The following SLC44A1 variants were observed in gnomAD, a reference collection of about 807,000 sequenced individuals.
SLC44A1 encodes the protein choline transporter-like protein 1.
Under a neutral mutation model 79.3 loss-of-function variants are expected in SLC44A1, and 26 were observed. The ratio of observed to expected loss-of-function variants is 0.33; its 90% confidence interval spans 0.24 to 0.46. The LOEUF is 0.46. SLC44A1 is among the 20% of genes least tolerant of loss of function. The pLI is 1.00. For synonymous variants in SLC44A1, 263 were observed against 286.2 expected (o/e 0.92, Z 0.82); for missense variants, 688 against 798.1 (o/e 0.86, Z 1.66).
At chr9:105,420,089 A>G (rs1829226243) in intron 15 of SLC44A1, among the ~76,000 whole-genome samples, 1 of 152,162 alleles carries the variant, frequency 6.6e-6, no homozygotes, top group African/African-American at 2.4e-5. Flanking sequence ...TAGAGGAAGC[A>G]TTTGATTAGA....
chr9:105,355,951 G>A lies in SLC44A1; in HGVS notation c.501-261G>A, dbSNP rs965744049. 14 of 450,664 alleles carry A rather than the reference G, an allele frequency of 3.1e-5. 1 individual carries two copies. Among genetic ancestry groups the A allele is most frequent in the South Asian group, 8.2e-5 (3 of 36,710 alleles). 27.9% of individuals were successfully genotyped at this position (450,664 alleles called of 1,614,324 possible). On this transcript the variant is annotated intron_variant, in intron 5 of 15. Coordinates refer to ENST00000374720, the MANE Select transcript of SLC44A1 (RefSeq NM_080546.5). Reference sequence around the variant, plus strand: ...TGTGTATGTGTGTGTGTGTGTGTGCGTTTCTTTTCAGAAGGGGCGGGTAAT... The same window carrying A: ...TGTGTATGTGTGTGTGTGTGTGTGCATTTCTTTTCAGAAGGGGCGGGTAAT...
At chr9:105,376,364 T>TACAC (rs1374584908) in intron 13 of SLC44A1, among the ~76,000 whole-genome samples, 2 of 142,230 alleles carry the variant, frequency 1.4e-5, no homozygotes, top group Non-Finnish European at 3.0e-5. Context: ...ACACACACAC[T>TACAC]ACACACACTG....
At chr9:105,365,050 T>G (rs141269078) in intron 10 of SLC44A1, among the ~76,000 whole-genome samples, 1,687 of 152,320 alleles carry the variant, frequency 0.011, 18 homozygotes, top group Non-Finnish European at 0.014. Flanking sequence ...CAACAAGTCT[T>G]TTTAGTTTGT....
chr9:105,415,896 ATTTT>A (rs10592448), intron 15 of SLC44A1, among the ~76,000 whole-genome samples: 2,224 of 117,912 alleles, frequency 0.019, 45 homozygotes, highest in African/African-American at 0.069. Context: ...GATTGACTGA[ATTTT>A]TTTTTTTTTT....
chr9:105,411,007 A>G (rs1017271191), intron 15 of SLC44A1, among the ~76,000 whole-genome samples: 3 of 152,220 alleles, frequency 2.0e-5, no homozygotes, highest in Non-Finnish European at 4.4e-5. Context: ...AACAGAAAGC[A>G]CATTCATGCT....
chr9:105,301,405 G>C (rs1476958974), intron 2 of SLC44A1, among the ~76,000 whole-genome samples: 1 of 152,114 alleles, frequency 6.6e-6, no homozygotes, highest in East Asian at 1.9e-4. Flanking sequence ...ATTTGTTTTC[G>C]AATGATTCCT....
chr9:105,246,969 T>C (rs909106287), intron 1 of SLC44A1, among the ~76,000 whole-genome samples: 3 of 152,028 alleles, frequency 2.0e-5, no homozygotes, highest in African/African-American at 7.2e-5. Flanking sequence ...AAGGGGTGCA[T>C]TTTTTTCCTG....
At position 105,396,434 on chromosome 9, in the gene SLC44A1, T is replaced by A; in HGVS notation, c.*7378T>A. The A allele has an allele frequency of 1.0e-6, 1 of 985,370 alleles. No individual in the cohort carries two copies. The highest frequency in any genetic ancestry group is 1.2e-6 in the Non-Finnish European group (1 of 829,918). 61.0% of individuals were successfully genotyped at this position (985,370 alleles called of 1,614,324 possible). A position where few individuals can be genotyped will look rare whatever the true frequency, so the allele number is the denominator to read the frequency against. On this transcript the variant is annotated 3_prime_UTR_variant, in exon 16 of 16. Transcript: ENST00000374720. ...AACCCTATCTTCTGAAGACCAAAGG[T>A]CCAACTTTACTTACTGGCTGGCACA...
intron 15 of SLC44A1, chr9:105,438,130 C>CTGTGTGTGTGTGTGTGTGTGTGTGTG (rs147203232): frequency 2.6e-5 from 13 of 496,094 alleles, no homozygotes; most frequent in African/African-American, 2.6e-4. Context: ...ATTTGTTAAT[C>CTGTGTGTGTGTGTGTGTGTGTGTGTG]TGTGTGTGTG....
intron 15 of SLC44A1, among the ~76,000 whole-genome samples, chr9:105,430,365 C>T (rs1360493532): frequency 2.6e-5 from 4 of 152,176 alleles, no homozygotes; most frequent in African/African-American, 9.6e-5. Context: ...GCAACTAAGA[C>T]CACCACGTGA....
intron 12 of SLC44A1, among the ~76,000 whole-genome samples, chr9:105,373,199 T>A (rs564666818): frequency 6.6e-6 from 1 of 152,306 alleles, no homozygotes; most frequent in East Asian, 1.9e-4. Flanking sequence ...CAGTATAAAG[T>A]AAGCCCTTTA....
chr9:105,309,234 C>T (rs943151695), intron 2 of SLC44A1, among the ~76,000 whole-genome samples: 1 of 152,150 alleles, frequency 6.6e-6, no homozygotes, highest in African/African-American at 2.4e-5. Flanking sequence ...GTTCACTTAA[C>T]GGAACCCCTT....
At chr9:105,433,277 T>C (rs921597853) in intron 15 of SLC44A1, among the ~76,000 whole-genome samples, 4 of 151,922 alleles carry the variant, frequency 2.6e-5, no homozygotes, top group Admixed American at 2.6e-4. Context: ...GTCTGCGCGA[T>C]GGGAGCGAGA....
Position 105,392,056 on chromosome 9 carries a change from A to G in SLC44A1, c.*3000A>G. The stretch of plus-strand genomic sequence containing the variant: ...GAAGAGAAAAGTTATATTTCAGTGT[A>G]AATCCAAGAGACCCATCTTCTATGA... On this transcript the variant is annotated 3_prime_UTR_variant, in exon 16 of 16. Coordinates refer to ENST00000374720, the MANE Select transcript of SLC44A1 (RefSeq NM_080546.5). The G allele has an allele frequency of 1.0e-6, 1 of 985,250 alleles. No homozygotes were observed. 61.0% of individuals were successfully genotyped at this position (985,250 alleles called of 1,614,324 possible).
intron 1 of SLC44A1, among the ~76,000 whole-genome samples, chr9:105,288,928 CCTT>C (rs58385863): frequency 1.9e-4 from 29 of 152,286 alleles, no homozygotes; most frequent in African/African-American, 6.5e-4. Context: ...TCAAAGAAAT[CCTT>C]CTTGAAAGAC....
intron 1 of SLC44A1, among the ~76,000 whole-genome samples, chr9:105,269,760 A>C (rs1830037947): frequency 1.3e-5 from 2 of 152,062 alleles, no homozygotes; most frequent in Non-Finnish European, 2.9e-5. Flanking sequence ...AAGGTTACTG[A>C]CAGCTGCCAG....
chr9:105,290,876 C>T (rs190457427), intron 1 of SLC44A1, among the ~76,000 whole-genome samples: 3 of 152,312 alleles, frequency 2.0e-5, no homozygotes, highest in Admixed American at 6.5e-5. Flanking sequence ...TATCTTTCCA[C>T]GCAGTGTATC....
At chr9:105,414,818 A>G (rs1195481051) in intron 15 of SLC44A1, among the ~76,000 whole-genome samples, 2 of 150,498 alleles carry the variant, frequency 1.3e-5, no homozygotes, top group Non-Finnish European at 3.0e-5. Context: ...AACAAAAAAG[A>G]AAAAAAAACC....
At chr9:105,253,844 C>T (rs904786704) in intron 1 of SLC44A1, among the ~76,000 whole-genome samples, 24 of 152,142 alleles carry the variant, frequency 1.6e-4, no homozygotes, top group Non-Finnish European at 3.2e-4. Context: ...CCTGCCTCAG[C>T]CTCCAAGTAG....
Sources: gnomAD v4.1 joint callset for allele counts (sites outside exome capture counted in the v4.1 genomes callset) on GRCh38, gnomAD v4.1.1 for gene constraint, MANE v1.5 for transcripts, NCBI Gene and HGNC (gene_info 2026-07-23, HGNC 2026-07-21) for gene names.